The following RBMS3 variants were observed in gnomAD, a reference collection of about 807,000 sequenced individuals.
RBMS3 encodes RNA binding motif single stranded interacting protein 3, also known as RNA-binding motif, single-stranded-interacting protein 3.
Under a neutral mutation model 66.8 loss-of-function variants are expected in RBMS3, and 27 were observed. The ratio of observed to expected loss-of-function variants is 0.40; its 90% confidence interval spans 0.30 to 0.56. The LOEUF is 0.56. RBMS3 is among the 20% of genes least tolerant of loss of function. The pLI, the probability that RBMS3 is intolerant of heterozygous loss-of-function variation, is 0.40. For missense variants in RBMS3, 513 were observed against 549.5 expected (o/e 0.93, Z 0.66); for synonymous variants, 188 against 183.0 (o/e 1.03, Z -0.22).
intron 12 of RBMS3, among the ~76,000 whole-genome samples, chr3:29,956,116 T>A (rs1231308073): frequency 2.0e-5 from 3 of 152,108 alleles, no homozygotes; most frequent in African/African-American, 7.2e-5. Flanking sequence ...CCTGCCACAG[T>A]ATAATCTTCA....
rs529430574 is a variant in RBMS3 at position 29,701,654 on chromosome 3, C to T, written c.400-38066C>T. On this transcript the variant is annotated intron_variant, in intron 4 of 14. Transcript: ENST00000383767. ...GAGTTCTGGGTGGGCGTGGGCTGGGCGGGCCCGCACTCGGAGAGGCTGGCC... is the reference window on the plus strand; with the variant it reads ...GAGTTCTGGGTGGGCGTGGGCTGGGTGGGCCCGCACTCGGAGAGGCTGGCC... Among the ~76,000 whole-genome samples, 13 of 152,148 alleles carry T rather than the reference C, an allele frequency of 8.5e-5. No individual in the cohort carries two copies. The South Asian group carries it at 1.2e-3, about 15-fold the overall frequency.
intron 10 of RBMS3, among the ~76,000 whole-genome samples, chr3:29,916,566 G>T (rs551224569): frequency 3.3e-5 from 5 of 151,906 alleles, no homozygotes; most frequent in African/African-American, 1.2e-4. Flanking sequence ...CTTACCTATT[G>T]GCTGTTCAGG....
intron 4 of RBMS3, among the ~76,000 whole-genome samples, chr3:29,621,912 G>T (rs57861949): frequency 2.0e-5 from 3 of 152,088 alleles, no homozygotes; most frequent in Non-Finnish European, 4.4e-5. Context: ...TCTAGTCTTC[G>T]CTTTTGCTGT....
At chr3:29,640,278 A>ACC (rs2049647978) in intron 4 of RBMS3, among the ~76,000 whole-genome samples, 2 of 150,592 alleles carry the variant, frequency 1.3e-5, no homozygotes, top group East Asian at 2.1e-4. Context: ...ACACACACAC[A>ACC]CACACACCCA....
chr3:29,691,947 C>CTCTCTCTCTCTCTTTTTTTTTTTTTTTT (rs1218393454), intron 4 of RBMS3, among the ~76,000 whole-genome samples: 2 of 53,536 alleles, frequency 3.7e-5, no homozygotes, highest in East Asian at 5.4e-4. Context: ...CTCTCTCTCT[C>CTCTCTCTCTCTCTTTTTTTTTTTTTTTT]TATTTTTTTT....
At chr3:29,320,875 A>G (rs1174954951) in intron 1 of RBMS3, among the ~76,000 whole-genome samples, 1 of 152,012 alleles carries the variant, frequency 6.6e-6, no homozygotes. Context: ...TAAACTTTGA[A>G]GTCAGAGAGG....
intron 6 of RBMS3, among the ~76,000 whole-genome samples, chr3:29,850,978 T>C (rs2058919797): frequency 1.3e-5 from 2 of 152,240 alleles, no homozygotes; most frequent in South Asian, 4.1e-4. Context: ...TTTGTACTTC[T>C]AACCTTTTGC....
intron 1 of RBMS3, among the ~76,000 whole-genome samples, chr3:29,431,222 T>C (rs1238398025): frequency 6.6e-6 from 1 of 152,092 alleles, no homozygotes; most frequent in Admixed American, 6.5e-5. Flanking sequence ...CATTTTAAAA[T>C]TCTATGTGAA....
intron 4 of RBMS3, among the ~76,000 whole-genome samples, chr3:29,661,738 C>A (rs1033031456): frequency 1.3e-5 from 2 of 152,138 alleles, no homozygotes; most frequent in Non-Finnish European, 2.9e-5. Flanking sequence ...TATAGCCAAG[C>A]CAAGACGTGG....
intron 2 of RBMS3, among the ~76,000 whole-genome samples, chr3:29,469,241 C>T (rs2042639723): frequency 6.6e-6 from 1 of 152,006 alleles, no homozygotes; most frequent in African/African-American, 2.4e-5. Context: ...AAGAATTCTG[C>T]ATCATTAAAC....
At chr3:29,344,867 A>G (rs1477993365) in intron 1 of RBMS3, among the ~76,000 whole-genome samples, 1 of 152,204 alleles carries the variant, frequency 6.6e-6, no homozygotes, top group Non-Finnish European at 1.5e-5. Context: ...TCCATAAGGA[A>G]CTTCTTCAGA....
chr3:29,579,262 T>C (rs963710411), intron 3 of RBMS3, among the ~76,000 whole-genome samples: 2 of 152,174 alleles, frequency 1.3e-5, no homozygotes, highest in Non-Finnish European at 2.9e-5. Flanking sequence ...GCTTCGGTTG[T>C]GGGGAAGAGT....
At chr3:29,476,699 T>C (rs1198508083) in intron 2 of RBMS3, among the ~76,000 whole-genome samples, 1 of 152,236 alleles carries the variant, frequency 6.6e-6, no homozygotes, top group Non-Finnish European at 1.5e-5. Context: ...TATTTTGAAT[T>C]AAAGCTGGCC....
intron 6 of RBMS3, among the ~76,000 whole-genome samples, chr3:29,775,382 A>T (rs189481412): frequency 6.6e-6 from 1 of 151,778 alleles, no homozygotes; most frequent in East Asian, 1.9e-4. Context: ...TCTCATTTTC[A>T]TTAGCAAATA....
At chr3:29,948,236 T>C (rs894640687) in intron 12 of RBMS3, among the ~76,000 whole-genome samples, 1 of 151,776 alleles carries the variant, frequency 6.6e-6, no homozygotes, top group African/African-American at 2.4e-5. Context: ...AAGTTCTTCA[T>C]TGGAGTACAT....
At chr3:29,329,288 A>G (rs1382206517) in intron 1 of RBMS3, among the ~76,000 whole-genome samples, 5 of 152,162 alleles carry the variant, frequency 3.3e-5, no homozygotes, top group Admixed American at 3.3e-4. Flanking sequence ...TGTTGTAAGT[A>G]TATGAACCTT....
intron 3 of RBMS3, among the ~76,000 whole-genome samples, chr3:29,547,371 C>G (rs1359222619): frequency 6.6e-6 from 1 of 152,106 alleles, no homozygotes; most frequent in Non-Finnish European, 1.5e-5. Flanking sequence ...TTCACCAATA[C>G]ATTGTAGGTA....
intron 3 of RBMS3, among the ~76,000 whole-genome samples, chr3:29,542,454 G>A (rs936308313): frequency 1.3e-5 from 2 of 152,040 alleles, no homozygotes; most frequent in Non-Finnish European, 2.9e-5. Flanking sequence ...TGCGCCTCCC[G>A]GGATCAAGCG....
chr3:29,410,365 C>T (rs1575739642), intron 1 of RBMS3, among the ~76,000 whole-genome samples: 1 of 152,304 alleles, frequency 6.6e-6, no homozygotes, highest in Non-Finnish European at 1.5e-5. Flanking sequence ...TTTCTTTTAG[C>T]TTCTCTCAAG....
Sources: allele counts gnomAD v4.1 joint callset (sites outside exome capture counted in the v4.1 genomes callset), GRCh38; gene constraint gnomAD v4.1.1; transcripts MANE v1.5; gene names NCBI Gene and HGNC (gene_info 2026-07-23, HGNC 2026-07-21).